Variants in RBFOX1 observed in about 807,000 individuals in gnomAD.
RBFOX1 encodes the protein RNA binding protein fox-1 homolog 1.
Under a neutral mutation model 57.7 loss-of-function variants are expected in RBFOX1, and 8 were observed. The observed-to-expected ratio is 0.14, with a 90% CI of 0.08 to 0.25. RBFOX1 has a LOEUF of 0.25. RBFOX1 is among the 10% of genes least tolerant of loss of function. RBFOX1 has a pLI of 1.00. For synonymous variants in RBFOX1, 326 were observed against 222.4 expected (o/e 1.47, Z -4.15); for missense variants, 611 against 548.5 (o/e 1.11, Z -1.14).
chr16:6,451,287 T>G (rs1330324789), intron 2 of RBFOX1, among the ~76,000 whole-genome samples: 1 of 152,158 alleles, frequency 6.6e-6, no homozygotes, highest in African/African-American at 2.4e-5. Context: ...GAACAACTAA[T>G]AATTATGGAA....
At chr16:7,435,933 C>T (rs1382294311) in intron 4 of RBFOX1, among the ~76,000 whole-genome samples, 3 of 152,170 alleles carry the variant, frequency 2.0e-5, no homozygotes, top group African/African-American at 4.8e-5. Context: ...TGTTGAAGTA[C>T]GTCAACATTA....
chr16:6,691,106 A>C lies in RBFOX1; in HGVS notation c.-16+36456A>C, dbSNP rs146914977. The stretch of plus-strand genomic sequence containing the variant: ...TCACTGTGTCTTGAGAGATGTTGGG[A>C]AAAGTAAAAGGGAATTACAGAGTCC... On this transcript the variant is annotated intron_variant, in intron 3 of 15. Transcript: ENST00000550418. 2.4e-3 allele frequency among the ~76,000 whole-genome samples: 371 copies of C among 152,254 alleles called. 3 individuals are homozygous for C. Among genetic ancestry groups the C allele is most frequent in the African/African-American group, 8.6e-3 (357 of 41,550 alleles).
chr16:5,781,945 C>T (rs575204769), intron 3 of RBFOX1, among the ~76,000 whole-genome samples: 1 of 152,228 alleles, frequency 6.6e-6, no homozygotes, highest in South Asian at 2.1e-4. Context: ...GTGGTTCATG[C>T]CTGTAATCCC....
chr16:7,700,374 T>C (rs1202887875), intron 14 of RBFOX1, among the ~76,000 whole-genome samples: 1 of 152,094 alleles, frequency 6.6e-6, no homozygotes, highest in Non-Finnish European at 1.5e-5. Context: ...TATAACCAAC[T>C]CAAAGAGAAG....
chr16:6,144,741 A>G (rs937011081), intron 1 of RBFOX1, among the ~76,000 whole-genome samples: 59 of 152,236 alleles, frequency 3.9e-4, no homozygotes, highest in Non-Finnish European at 7.5e-4. Flanking sequence ...TGGATATTCC[A>G]TTATGCACAG....
intron 3 of RBFOX1, among the ~76,000 whole-genome samples, chr16:6,949,384 T>C (rs1290836121): frequency 6.6e-6 from 1 of 152,198 alleles, no homozygotes; most frequent in East Asian, 1.9e-4. Flanking sequence ...GTTTTACTCA[T>C]TCCATGGTGT....
intron 1 of RBFOX1, among the ~76,000 whole-genome samples, chr16:5,363,580 C>T (rs2151346506): frequency 6.6e-6 from 1 of 152,260 alleles, no homozygotes; most frequent in Admixed American, 6.5e-5. Flanking sequence ...GTCCTCATCC[C>T]CAGGGCTCAG....
chr16:7,553,955 G>A (rs1227653982), intron 5 of RBFOX1, among the ~76,000 whole-genome samples: 1 of 152,164 alleles, frequency 6.6e-6, no homozygotes, highest in African/African-American at 2.4e-5. Flanking sequence ...ATTAAAGAAT[G>A]TAAGAAGGCC....
At chr16:5,810,831 C>T (rs548057775) in intron 3 of RBFOX1, among the ~76,000 whole-genome samples, 12 of 152,228 alleles carry the variant, frequency 7.9e-5, no homozygotes, top group African/African-American at 2.2e-4. Flanking sequence ...ATTCAAATTG[C>T]CTCAACTGGG....
At chr16:5,650,060 A>T (rs2049184211) in intron 3 of RBFOX1, among the ~76,000 whole-genome samples, 1 of 152,178 alleles carries the variant, frequency 6.6e-6, no homozygotes, top group Admixed American at 6.5e-5. Context: ...GCTTAAGCAA[A>T]CACAAGTTTT....
At position 6,403,758 on chromosome 16, in the gene RBFOX1, A is replaced by G. The variant is rs2093171188; in HGVS notation, c.-64+86701A>G. 2.0e-5 allele frequency among the ~76,000 whole-genome samples: 3 copies of G among 152,152 alleles called. No individual in the cohort carries two copies. The South Asian group carries it at 6.2e-4, about 32-fold the overall frequency. ...TGTGGAGGCATCGAGCCCTATGTTC[A>G]TGCATTGACTCAAGTGTGTCCCTCC... On this transcript the variant is annotated intron_variant, in intron 2 of 15. Transcript: ENST00000550418.
intron 1 of RBFOX1, among the ~76,000 whole-genome samples, chr16:6,127,590 A>G (rs760985407): frequency 6.6e-6 from 1 of 152,190 alleles, no homozygotes; most frequent in African/African-American, 2.4e-5. Flanking sequence ...AAGAAGATTC[A>G]TGTGGGACCT....
chr16:7,054,107 T>G (rs1003441100), intron 4 of RBFOX1, among the ~76,000 whole-genome samples: 7 of 149,906 alleles, frequency 4.7e-5, no homozygotes, highest in African/African-American at 1.7e-4. Context: ...TTCCATCTCT[T>G]TCTTCTTCCT....
chr16:7,512,999 C>G (rs975610267), intron 4 of RBFOX1, among the ~76,000 whole-genome samples: 2 of 152,160 alleles, frequency 1.3e-5, no homozygotes, highest in African/African-American at 2.4e-5. Context: ...CGCGGTGGCT[C>G]ATGTCTGTAA....
At chr16:5,483,728 A>G (rs1324386078) in intron 2 of RBFOX1, among the ~76,000 whole-genome samples, 1 of 152,228 alleles carries the variant, frequency 6.6e-6, no homozygotes, top group Non-Finnish European at 1.5e-5. Flanking sequence ...TGAGTGTATT[A>G]GTTATCTATT....
chr16:5,256,089 C>T (rs2062584861), intron 1 of RBFOX1, among the ~76,000 whole-genome samples: 1 of 152,136 alleles, frequency 6.6e-6, no homozygotes, highest in African/African-American at 2.4e-5. Context: ...CATATTTGAA[C>T]CAGTAGTGAC....
rs561859896 is a variant in RBFOX1, at chr16:6,699,075, A to C, written c.-16+44425A>C. Among the ~76,000 whole-genome samples the C allele has an allele frequency of 6.9e-4, 105 of 152,286 alleles. 1 individual carries two copies. The South Asian group carries it at 0.02, about 30-fold the overall frequency. ...ACCTTAGGGATTCAAGTAGGCAGGC[A>C]AGTGACAATCATAACCAGCATGCAG... On this transcript the variant is annotated intron_variant, in intron 3 of 15. Transcript: ENST00000550418.
chr16:7,449,707 A>G (rs891506707), intron 4 of RBFOX1, among the ~76,000 whole-genome samples: 1 of 124,980 alleles, frequency 8.0e-6, no homozygotes, highest in East Asian at 2.8e-4. Context: ...GAGAAAAAGA[A>G]ACATGTATGT....
intron 4 of RBFOX1, among the ~76,000 whole-genome samples, chr16:7,325,001 A>G (rs528579002): frequency 3.0e-4 from 45 of 152,216 alleles, no homozygotes; most frequent in Non-Finnish European, 4.6e-4. Flanking sequence ...TTTGGGACAT[A>G]GAAGAAGGAG....
Sources: gnomAD v4.1 joint callset for allele counts (sites outside exome capture counted in the v4.1 genomes callset) on GRCh38, gnomAD v4.1.1 for gene constraint, MANE v1.5 for transcripts, NCBI Gene and HGNC (gene_info 2026-07-23, HGNC 2026-07-21) for gene names.